Variants in LRRC7 observed in about 807,000 individuals in gnomAD.
LRRC7 encodes leucine rich repeat containing 7.
LRRC7 carries 23 observed loss-of-function variants against 175.7 expected under a neutral mutation model. The ratio of observed to expected loss-of-function variants is 0.13; its 90% confidence interval spans 0.09 to 0.19. The LOEUF is 0.19. LRRC7 is among the 10% of genes least tolerant of loss of function. The probability of loss-of-function intolerance (pLI) is 1.00; values close to 1 mark genes in which losing one functional copy is unlikely to be tolerated. For synonymous variants in LRRC7, 685 were observed against 680.9 expected (o/e 1.01, Z -0.09); for missense variants, 1,354 against 1,904.7 (o/e 0.71, Z 5.38).
intron 7 of LRRC7, among the ~76,000 whole-genome samples, chr1:69,876,287 G>A (rs766384740): frequency 2.0e-5 from 3 of 152,086 alleles, no homozygotes; most frequent in Non-Finnish European, 4.4e-5. Flanking sequence ...AAAACTGGCA[G>A]ATCTAAATTT....
intron 2 of LRRC7, among the ~76,000 whole-genome samples, chr1:69,698,288 A>C (rs1662869676): frequency 6.6e-6 from 1 of 152,002 alleles, no homozygotes; most frequent in African/African-American, 2.4e-5. Flanking sequence ...CATATATTCA[A>C]GGCACATAAT....
chr1:69,874,298 G>A (rs942452748), intron 7 of LRRC7: 10 of 151,998 alleles, frequency 6.6e-5, no homozygotes, highest in African/African-American at 2.4e-4. Flanking sequence ...TCGACATAAT[G>A]GGTTCATTTG....
At position 70,134,745 on chromosome 1, in the gene LRRC7, C is replaced by T. The variant is rs1430261915; in HGVS notation, c.*12858C>T. On this transcript the variant is annotated 3_prime_UTR_variant, in exon 27 of 27. Coordinates refer to ENST00000651989, the MANE Select transcript of LRRC7 (RefSeq NM_001370785.2). The stretch of plus-strand genomic sequence containing the variant: ...ATATTTTGTAAGTTCTTTCTGACCT[C>T]AAGCCTGCCAATTTTAGTGCACCAT... Among the ~76,000 whole-genome samples, 3 of 152,218 alleles carry T rather than the reference C, an allele frequency of 2.0e-5. No individual in the cohort carries two copies. The highest frequency in any genetic ancestry group is 7.2e-5 in the African/African-American group (3 of 41,456).
intron 9 of LRRC7, among the ~76,000 whole-genome samples, chr1:69,980,735 A>C (rs1166867955): frequency 1.3e-5 from 2 of 152,172 alleles, no homozygotes; most frequent in African/African-American, 4.8e-5. Context: ...AAAAGCTGAA[A>C]GAATTTATAG....
At chr1:69,820,074 T>C (rs1415163440) in intron 4 of LRRC7, among the ~76,000 whole-genome samples, 1 of 151,578 alleles carries the variant, frequency 6.6e-6, no homozygotes, top group African/African-American at 2.4e-5. Context: ...ATTTTGTTGA[T>C]TTTTTTTCTG....
chr1:69,837,898 T>C (rs927696257), intron 6 of LRRC7, among the ~76,000 whole-genome samples: 1 of 151,500 alleles, frequency 6.6e-6, no homozygotes, highest in Non-Finnish European at 1.5e-5. Flanking sequence ...ATAGTGATAA[T>C]GATAGTTTAC....
intron 1 of LRRC7, among the ~76,000 whole-genome samples, chr1:69,650,672 C>T (rs182980121): frequency 8.7e-4 from 133 of 152,122 alleles, no homozygotes; most frequent in Admixed American, 2.0e-3. Flanking sequence ...TTGATACACA[C>T]GTCTTTAAGC....
intron 7 of LRRC7, among the ~76,000 whole-genome samples, chr1:69,866,549 A>G (rs902361784): frequency 6.6e-6 from 1 of 152,218 alleles, no homozygotes; most frequent in African/African-American, 2.4e-5. Context: ...ATCATTTTCT[A>G]TTCCTAAATC....
At position 69,860,493 on chromosome 1, in the gene LRRC7, G is replaced by C. The variant is rs554131686; in HGVS notation, c.647+22210G>C. Among the ~76,000 whole-genome samples, 75 of 152,086 alleles carry C rather than the reference G, an allele frequency of 4.9e-4. 2 individuals carry two copies. The highest frequency in any genetic ancestry group is 1.7e-3 in the African/African-American group (69 of 41,548). On this transcript the variant is annotated intron_variant, in intron 7 of 26. Coordinates refer to ENST00000651989, the MANE Select transcript of LRRC7 (RefSeq NM_001370785.2). ...TAAATCTGAGTAGAAATAACGATGAGTGACAGTTATATTCTTTGCTAACCA... is the reference window on the plus strand; with the variant it reads ...TAAATCTGAGTAGAAATAACGATGACTGACAGTTATATTCTTTGCTAACCA...
intron 13 of LRRC7, among the ~76,000 whole-genome samples, chr1:70,013,777 A>G (rs12036805): frequency 0.077 from 11,649 of 152,012 alleles, 503 homozygotes; most frequent in African/African-American, 0.13. Flanking sequence ...AATAATCACA[A>G]AATATAATGC....
chr1:69,780,120 G>A (rs1235915566), intron 3 of LRRC7, among the ~76,000 whole-genome samples: 3 of 152,106 alleles, frequency 2.0e-5, no homozygotes, highest in Non-Finnish European at 4.4e-5. Context: ...GGTGCCAAAT[G>A]TTTCTCAAAA....
chr1:69,810,832 C>T (rs559160066), intron 4 of LRRC7, among the ~76,000 whole-genome samples: 1 of 152,156 alleles, frequency 6.6e-6, no homozygotes, highest in South Asian at 2.1e-4. Flanking sequence ...AGAAGAAAAC[C>T]TAGGCAATAC....
At chr1:69,665,393 G>A (rs1040076710) in intron 1 of LRRC7, among the ~76,000 whole-genome samples, 2 of 152,028 alleles carry the variant, frequency 1.3e-5, no homozygotes, top group African/African-American at 4.8e-5. Context: ...ATTGCTTTGA[G>A]TAGTATGGAC....
At chr1:69,759,040 A>T (rs989519078) in intron 2 of LRRC7, among the ~76,000 whole-genome samples, 1 of 151,974 alleles carries the variant, frequency 6.6e-6, no homozygotes, top group African/African-American at 2.4e-5. Context: ...AACTTGCCTG[A>T]TACATGGGGA....
rs2102249095 is a variant in LRRC7 at position 70,123,080 on chromosome 1, G to T, written c.*1193G>T. The T allele has an allele frequency of 6.6e-6, 1 of 152,576 alleles. No homozygotes were observed. The highest frequency in any genetic ancestry group is 2.4e-5 in the African/African-American group (1 of 41,554). The allele number at this position is 152,576 out of a possible 1,614,324, so 9.5% of individuals were successfully genotyped here. ...TTTCAAGGTATGTAAAATCCTGAAT[G>T]CTTTTTCACTGAAGAGAAAGACAAG... is the stretch of plus-strand genomic sequence containing the variant. On this transcript the variant is annotated 3_prime_UTR_variant, in exon 27 of 27. Transcript: ENST00000651989.
chr1:69,951,506 C>T (rs1018046726), intron 8 of LRRC7, among the ~76,000 whole-genome samples: 9 of 151,954 alleles, frequency 5.9e-5, no homozygotes, highest in African/African-American at 2.2e-4. Flanking sequence ...CATTGCAGCG[C>T]AGTTCACAAT....
chr1:70,134,991 G>T lies in LRRC7; in HGVS notation c.*13104G>T, dbSNP rs985361973. Among the ~76,000 whole-genome samples the T allele has an allele frequency of 6.6e-6, 1 of 152,028 alleles. No homozygotes were observed. Among genetic ancestry groups the T allele is most frequent in the African/African-American group, 2.4e-5 (1 of 41,372 alleles). ...CCATAACCTTTTAATGATAGGTTTA[G>T]TTGTAAAATCCAGAACTATTTAAAT... On this transcript the variant is annotated 3_prime_UTR_variant, in exon 27 of 27. Coordinates refer to ENST00000651989, the MANE Select transcript of LRRC7 (RefSeq NM_001370785.2).
At chr1:70,024,182 G>A (rs887126332) in intron 17 of LRRC7, among the ~76,000 whole-genome samples, 12 of 151,630 alleles carry the variant, frequency 7.9e-5, no homozygotes, top group Admixed American at 2.6e-4. Flanking sequence ...ACTAATTCTC[G>A]AAGTAATATA....
At chr1:69,990,762 A>T (rs1654360852) in intron 10 of LRRC7, among the ~76,000 whole-genome samples, 1 of 152,196 alleles carries the variant, frequency 6.6e-6, no homozygotes, top group African/African-American at 2.4e-5. Context: ...TAAAAATGAT[A>T]AAATAGAAGT....
Sources: allele counts gnomAD v4.1 joint callset (sites outside exome capture counted in the v4.1 genomes callset), GRCh38; gene constraint gnomAD v4.1.1; transcripts MANE v1.5; gene names NCBI Gene and HGNC (gene_info 2026-07-23, HGNC 2026-07-21).